The following CPA6 variants were observed in gnomAD, a reference collection of about 807,000 sequenced individuals.
CPA6 encodes the protein carboxypeptidase A6, also known as carboxypeptidase B.
Under a neutral mutation model 63.3 loss-of-function variants are expected in CPA6, and 58 were observed. The observed-to-expected ratio is 0.92, with a 90% CI of 0.74 to 1.14. The LOEUF (loss-of-function observed/expected upper bound fraction) is 1.14. CPA6 is among the 50% of genes most tolerant of loss of function. The pLI is 0.00. For missense variants in CPA6, 565 were observed against 526.6 expected, an observed-to-expected ratio of 1.07 and a Z score of -0.71; for synonymous variants, 185 against 179.0, an observed-to-expected ratio of 1.03 and a Z score of -0.27.
chr8:67,611,928 G>A lies in CPA6; in HGVS notation c.192+12248C>T, dbSNP rs151186594. 1.6e-3 allele frequency among the ~76,000 whole-genome samples: 244 copies of A among 152,278 alleles called. 1 individual carries two copies. Among genetic ancestry groups the A allele is most frequent in the African/African-American group, 5.4e-3 (223 of 41,550 alleles). The stretch of plus-strand genomic sequence containing the variant: ...CATCAAGTTCTTATTCCCTTCCTTG[G>A]ACAATCTTCCTAATGCCAAAGAGTA... On this transcript the variant is annotated intron_variant, in intron 2 of 10. Transcript: ENST00000297770.
chr8:67,545,719 C>G (rs889832866), intron 2 of CPA6, among the ~76,000 whole-genome samples: 3 of 151,982 alleles, frequency 2.0e-5, no homozygotes, highest in African/African-American at 7.3e-5. Context: ...TGTGCCACCA[C>G]GCCCAGCTAA....
intron 2 of CPA6, among the ~76,000 whole-genome samples, chr8:67,605,023 A>G (rs911901105): frequency 6.7e-6 from 1 of 150,084 alleles, no homozygotes; most frequent in Non-Finnish European, 1.5e-5. Context: ...GGTGATCCAC[A>G]TGCCTTGGCC....
chr8:67,536,109 T>C (rs189233674), intron 2 of CPA6, among the ~76,000 whole-genome samples: 184 of 152,308 alleles, frequency 1.2e-3, no homozygotes, highest in Non-Finnish European at 2.0e-3. Flanking sequence ...CCTTGTAGTA[T>C]GGTTTGAAGT....
chr8:67,456,305 A>G (rs1220368234), intron 8 of CPA6, among the ~76,000 whole-genome samples: 1 of 152,148 alleles, frequency 6.6e-6, no homozygotes, highest in Admixed American at 6.6e-5. Flanking sequence ...GGTCTCCCAA[A>G]TCCCTCTCAA....
chr8:67,543,990 G>C (rs1301508526), intron 2 of CPA6, among the ~76,000 whole-genome samples: 4 of 152,052 alleles, frequency 2.6e-5, no homozygotes, highest in South Asian at 4.2e-4. Flanking sequence ...GTCTTTCTCT[G>C]TTGCCCAGGC....
At chr8:67,717,467 A>G (rs1178449109) in intron 1 of CPA6, among the ~76,000 whole-genome samples, 1 of 152,220 alleles carries the variant, frequency 6.6e-6, no homozygotes, top group South Asian at 2.1e-4. Flanking sequence ...AAATTCTTCA[A>G]AAACATACAT....
intron 1 of CPA6, among the ~76,000 whole-genome samples, chr8:67,634,144 A>AT (rs1306709441): frequency 1.3e-5 from 2 of 148,600 alleles, no homozygotes; most frequent in African/African-American, 2.5e-5. Flanking sequence ...CAGATATTTC[A>AT]TTTTTTTCAT....
At chr8:67,736,807 C>G (rs1213974941) in intron 1 of CPA6, among the ~76,000 whole-genome samples, 2 of 152,160 alleles carry the variant, frequency 1.3e-5, no homozygotes. Context: ...CAATACATAT[C>G]CAAAAAAGTG....
chr8:67,520,308 G>A (rs750529360), intron 2 of CPA6, among the ~76,000 whole-genome samples: 72 of 152,140 alleles, frequency 4.7e-4, no homozygotes, highest in Non-Finnish European at 9.7e-4. Flanking sequence ...CCACAGGAAA[G>A]TTCCATGAAA....
At chr8:67,455,412 A>G (rs913922381) in intron 8 of CPA6, among the ~76,000 whole-genome samples, 1 of 152,082 alleles carries the variant, frequency 6.6e-6, no homozygotes, top group African/African-American at 2.4e-5. Flanking sequence ...AACTAAAAAA[A>G]ATGGGTTTGG....
chr8:67,588,271 A>C (rs1814001397), intron 2 of CPA6, among the ~76,000 whole-genome samples: 1 of 152,158 alleles, frequency 6.6e-6, no homozygotes, highest in Non-Finnish European at 1.5e-5. Context: ...GTCACTGTTG[A>C]ATGGAAGTCA....
chr8:67,565,669 G>T (rs1445626708), intron 2 of CPA6, among the ~76,000 whole-genome samples: 3 of 152,182 alleles, frequency 2.0e-5, no homozygotes, highest in Non-Finnish European at 4.4e-5. Context: ...GTCAAGGATA[G>T]TTCCTTGCCA....
intron 1 of CPA6, among the ~76,000 whole-genome samples, chr8:67,725,180 T>G (rs1195741393): frequency 1.3e-5 from 2 of 152,214 alleles, no homozygotes; most frequent in Non-Finnish European, 2.9e-5. Flanking sequence ...TCTTGTTTAT[T>G]TATATCATAG....
At chr8:67,658,514 C>G (rs1362519155) in intron 1 of CPA6, among the ~76,000 whole-genome samples, 1 of 152,182 alleles carries the variant, frequency 6.6e-6, no homozygotes, top group African/African-American at 2.4e-5. Context: ...TATGCCACAA[C>G]TCTCTCCCTA....
chr8:67,610,565 GA>G (rs770618404), intron 2 of CPA6, among the ~76,000 whole-genome samples: 11 of 152,118 alleles, frequency 7.2e-5, no homozygotes, highest in Non-Finnish European at 1.5e-4. Context: ...GCAGAAATAA[GA>G]AAGCTAAGCA....
At chr8:67,518,504 C>G (rs373778376) in intron 2 of CPA6, among the ~76,000 whole-genome samples, 1 of 124,368 alleles carries the variant, frequency 8.0e-6, no homozygotes. Flanking sequence ...TTTTTCTTTT[C>G]TTTTCTTTTT....
At chr8:67,615,071 A>G (rs931296119) in intron 2 of CPA6, among the ~76,000 whole-genome samples, 1 of 152,184 alleles carries the variant, frequency 6.6e-6, no homozygotes, top group Non-Finnish European at 1.5e-5. Context: ...GTGCCCTGAT[A>G]CCAGTGATCA....
intron 1 of CPA6, among the ~76,000 whole-genome samples, chr8:67,720,138 GTT>G (rs1450798723): frequency 3.3e-4 from 50 of 151,858 alleles, no homozygotes; most frequent in African/African-American, 1.2e-3. Flanking sequence ...GTCAAAGGGG[GTT>G]TGTTCTCTGG....
At chr8:67,559,307 C>T (rs538228551) in intron 2 of CPA6, among the ~76,000 whole-genome samples, 1 of 152,144 alleles carries the variant, frequency 6.6e-6, no homozygotes, top group African/African-American at 2.4e-5. Flanking sequence ...ATAGATTAAC[C>T]AGGTCTTATA....
Sources: allele counts gnomAD v4.1 joint callset (sites outside exome capture counted in the v4.1 genomes callset), GRCh38; gene constraint gnomAD v4.1.1; transcripts MANE v1.5; gene names NCBI Gene and HGNC (gene_info 2026-07-23, HGNC 2026-07-21).